Variants in TMEM108 observed in about 807,000 individuals in gnomAD.
TMEM108 encodes cancer/testis antigen 124.
Under a neutral mutation model 35.1 loss-of-function variants are expected in TMEM108, and 12 were observed. The observed-to-expected ratio is 0.34, with a 90% confidence interval of 0.22 to 0.55. TMEM108 has a LOEUF of 0.55. Ranked by LOEUF, TMEM108 falls within the 20% of genes least tolerant of loss-of-function variation. The pLI, the probability that TMEM108 is intolerant of heterozygous loss-of-function variation, is 0.89. For missense variants in TMEM108, 680 were observed against 753.3 expected (o/e 0.90, Z 1.14); for synonymous variants, 287 against 308.6 (o/e 0.93, Z 0.73).
intron 3 of TMEM108, among the ~76,000 whole-genome samples, chr3:133,350,264 A>G (rs1383615987): frequency 2.6e-5 from 4 of 152,144 alleles, no homozygotes; most frequent in African/African-American, 9.7e-5. Context: ...TAGAACAGTG[A>G]TTACTAGAGA....
At chr3:133,154,227 C>T (rs886617962) in intron 2 of TMEM108, among the ~76,000 whole-genome samples, 1 of 152,008 alleles carries the variant, frequency 6.6e-6, no homozygotes, top group East Asian at 1.9e-4. Flanking sequence ...AATTTTCTCC[C>T]ATTCTGTAGG....
chr3:133,134,052 G>A (rs978362752), intron 2 of TMEM108, among the ~76,000 whole-genome samples: 2 of 151,652 alleles, frequency 1.3e-5, no homozygotes, highest in African/African-American at 2.4e-5. Flanking sequence ...ATGAGCCACC[G>A]CTCCCTGCCT....
At chr3:133,212,900 A>AAGAAG (rs1167471808) in intron 2 of TMEM108, among the ~76,000 whole-genome samples, 3 of 151,648 alleles carry the variant, frequency 2.0e-5, no homozygotes, top group Non-Finnish European at 2.9e-5. Context: ...AAAAGAAAGA[A>AAGAAG]AGAAGAGAAA....
At chr3:133,392,045 C>G (rs1412084442) in intron 5 of TMEM108, among the ~76,000 whole-genome samples, 1 of 152,184 alleles carries the variant, frequency 6.6e-6, no homozygotes, top group African/African-American at 2.4e-5. Context: ...CCTGCCTTCT[C>G]AGGCTCTCCC....
chr3:133,054,237 T>C (rs949805089), intron 2 of TMEM108, among the ~76,000 whole-genome samples: 1 of 152,218 alleles, frequency 6.6e-6, no homozygotes, highest in Non-Finnish European at 1.5e-5. Flanking sequence ...GATACATGTT[T>C]AGTAGCAATT....
At chr3:133,098,691 G>T (rs552747469) in intron 2 of TMEM108, among the ~76,000 whole-genome samples, 1 of 152,136 alleles carries the variant, frequency 6.6e-6, no homozygotes. Context: ...AAAACAAAGG[G>T]GTTACAGGGT....
chr3:133,130,568 A>G (rs1261552081), intron 2 of TMEM108, among the ~76,000 whole-genome samples: 1 of 152,214 alleles, frequency 6.6e-6, no homozygotes, highest in African/African-American at 2.4e-5. Flanking sequence ...GAGAAAAAAA[A>G]GCAGGAACCT....
chr3:133,099,483 C>A (rs970674169), intron 2 of TMEM108, among the ~76,000 whole-genome samples: 2 of 152,104 alleles, frequency 1.3e-5, no homozygotes, highest in Non-Finnish European at 1.5e-5. Flanking sequence ...GCTTGAATTT[C>A]TTCTCAAAAA....
Position 133,109,352 on chromosome 3 carries a change from G to A in TMEM108, c.-47+63332G>A, listed in dbSNP as rs192700007. On this transcript the variant is annotated intron_variant, in intron 2 of 5. Coordinates refer to ENST00000321871, the MANE Select transcript of TMEM108 (RefSeq NM_023943.4). ...TTCATCAAATTTGAGGTACTGCCAGGCATAGTGGCTCACGCCTGTAATCCC... is the reference window on the plus strand; with the variant it reads ...TTCATCAAATTTGAGGTACTGCCAGACATAGTGGCTCACGCCTGTAATCCC... Among the ~76,000 whole-genome samples, 23 of 152,156 alleles carry A rather than the reference G, an allele frequency of 1.5e-4. No homozygotes were observed. In the East Asian group the frequency reaches 2.9e-3, roughly 19 times the overall value.
intron 3 of TMEM108, among the ~76,000 whole-genome samples, chr3:133,239,677 G>A (rs752421454): frequency 6.6e-6 from 1 of 152,194 alleles, no homozygotes; most frequent in African/African-American, 2.4e-5. Context: ...AGAATTACAT[G>A]TCTAAGTCTC....
At chr3:133,191,721 T>G (rs1170255888) in intron 2 of TMEM108, among the ~76,000 whole-genome samples, 2 of 152,166 alleles carry the variant, frequency 1.3e-5, no homozygotes, top group African/African-American at 4.8e-5. Context: ...CACTGCCCAG[T>G]GGAAAGCTAC....
intron 3 of TMEM108, among the ~76,000 whole-genome samples, chr3:133,374,558 A>G (rs2072776291): frequency 8.2e-6 from 1 of 122,288 alleles, no homozygotes; most frequent in Non-Finnish European, 1.7e-5. Context: ...ATATATATAT[A>G]TATATACACA....
chr3:133,392,286 C>G (rs971086747), intron 5 of TMEM108, among the ~76,000 whole-genome samples: 2 of 149,404 alleles, frequency 1.3e-5, no homozygotes, highest in African/African-American at 4.9e-5. Flanking sequence ...CCTCAGCCTC[C>G]CAAGTAGCTG....
At chr3:133,185,324 C>A (rs1423998857) in intron 2 of TMEM108, among the ~76,000 whole-genome samples, 5 of 152,076 alleles carry the variant, frequency 3.3e-5, no homozygotes, top group Admixed American at 2.0e-4. Flanking sequence ...AAGCTAGAAA[C>A]AATTGTTTCC....
chr3:133,207,327 G>A (rs1344906872), intron 2 of TMEM108, among the ~76,000 whole-genome samples: 1 of 58,606 alleles, frequency 1.7e-5, no homozygotes, highest in African/African-American at 8.6e-5. Flanking sequence ...TTTCTAACCA[G>A]TCCCAGTGAG....
chr3:133,187,568 A>G (rs1312316779), intron 2 of TMEM108, among the ~76,000 whole-genome samples: 1 of 152,112 alleles, frequency 6.6e-6, no homozygotes. Flanking sequence ...TGGCCAACAT[A>G]GTAAAACCCT....
intron 2 of TMEM108, among the ~76,000 whole-genome samples, chr3:133,064,095 T>C (rs927458908): frequency 2.6e-5 from 4 of 152,266 alleles, no homozygotes; most frequent in African/African-American, 9.6e-5. Context: ...TGTCTGCCAG[T>C]CTGAGGACAG....
At chr3:133,194,330 C>G (rs1945545561) in intron 2 of TMEM108, among the ~76,000 whole-genome samples, 1 of 152,180 alleles carries the variant, frequency 6.6e-6, no homozygotes, top group Non-Finnish European at 1.5e-5. Flanking sequence ...CTGGACACTT[C>G]CTTGAGATTC....
chr3:133,061,841 A>G (rs2107682624), intron 2 of TMEM108, among the ~76,000 whole-genome samples: 1 of 152,312 alleles, frequency 6.6e-6, no homozygotes, highest in African/African-American at 2.4e-5. Context: ...CAGATTTATC[A>G]CTTTACCTTG....
Sources: allele counts gnomAD v4.1 joint callset (sites outside exome capture counted in the v4.1 genomes callset), GRCh38; gene constraint gnomAD v4.1.1; transcripts MANE v1.5; gene names NCBI Gene and HGNC (gene_info 2026-07-23, HGNC 2026-07-21).